FANCL: variants seen among roughly 807,000 people sequenced by gnomAD.
FANCL encodes the protein FA complementation group L.
Under a neutral mutation model 59.4 loss-of-function variants are expected in FANCL, and 69 were observed. The observed-to-expected ratio is 1.16, with a 90% CI of 0.96 to 1.42. FANCL has a LOEUF of 1.42. FANCL is among the 40% of genes most tolerant of loss of function. The pLI is 0.00. For synonymous variants in FANCL, 180 were observed against 147.1 expected (o/e 1.22, Z -1.62); for missense variants, 519 against 447.2 (o/e 1.16, Z -1.45).
chr2:58,160,188 T>G lies in FANCL; in HGVS notation c.1021-9A>C. On this transcript the variant is annotated splice_polypyrimidine_tract_variant and intron_variant, in intron 12 of 13. Coordinates refer to ENST00000233741, the MANE Select transcript of FANCL (RefSeq NM_018062.4). ...AGTAGTCCTCTCAGCCACTGCAAAT[T>G]TTAAAAGATAAAGGAGAAGCGTCAG... 1 of 1,612,258 alleles carries G rather than the reference T, an allele frequency of 6.2e-7. No homozygotes were observed. Among genetic ancestry groups the G allele is most frequent in the Non-Finnish European group, 8.5e-7 (1 of 1,178,562 alleles).
chr2:58,211,920 G>T lies in FANCL; in HGVS notation c.375-7694C>A, dbSNP rs376043580. Among the ~76,000 whole-genome samples, 159 of 152,260 alleles carry T rather than the reference G, an allele frequency of 1.0e-3. 1 individual carries two copies. The highest frequency in any genetic ancestry group is 3.6e-3 in the African/African-American group (151 of 41,540). On this transcript the variant is annotated intron_variant, in intron 5 of 13. Coordinates refer to ENST00000233741, the MANE Select transcript of FANCL (RefSeq NM_018062.4). ...GGCAAAGCCAAGCAACTAGTCTCTA[G>T]GAAGTTCCAAACTCTCCCACATTTT...
intron 1 of FANCL, among the ~76,000 whole-genome samples, chr2:58,236,009 T>C (rs776153655): frequency 1.3e-5 from 2 of 149,670 alleles, no homozygotes; most frequent in Non-Finnish European, 3.0e-5. Flanking sequence ...CCTAAATGCA[T>C]GTATTTGGAG....
chr2:58,229,691 A>G (rs1693386422), intron 3 of FANCL, 123 bp downstream of exon 3: 6 of 749,152 alleles, frequency 8.0e-6, no homozygotes, highest in Non-Finnish European at 1.4e-5. Context: ...GATGAAACCT[A>G]CAAAACTTAA....
At chr2:58,181,044 G>A (rs970030961) in intron 7 of FANCL, among the ~76,000 whole-genome samples, 1 of 151,920 alleles carries the variant, frequency 6.6e-6, no homozygotes, top group South Asian at 2.1e-4. Flanking sequence ...ACCTTAACCT[G>A]GCAATTCTAC....
chr2:58,200,460 G>T lies in FANCL; in HGVS notation c.472-1798C>A, dbSNP rs1406069686. Among the ~76,000 whole-genome samples the T allele has an allele frequency of 2.0e-5, 3 of 152,036 alleles. No homozygotes were observed. The East Asian group carries it at 5.8e-4, about 29-fold the overall frequency. ...TAATGTGCACTTGAAACCTCTGTGGGTCAAAAATGGAAAATTTAGTTCATT... is the reference window on the plus strand; with the variant it reads ...TAATGTGCACTTGAAACCTCTGTGGTTCAAAAATGGAAAATTTAGTTCATT... On this transcript the variant is annotated intron_variant, in intron 6 of 13. Transcript: ENST00000233741.
intron 1 of FANCL, among the ~76,000 whole-genome samples, chr2:58,240,919 T>C (rs940916365): frequency 2.0e-5 from 3 of 151,970 alleles, no homozygotes; most frequent in Admixed American, 6.5e-5. Context: ...AAACAGTCAA[T>C]TGCGGGACAC....
At chr2:58,226,834 T>A (rs768651890) in intron 3 of FANCL, 50 bp from the exon 4 acceptor site, 1 of 1,510,784 alleles carries the variant, frequency 6.6e-7, no homozygotes, top group East Asian at 2.3e-5. Flanking sequence ...AAATATTCTA[T>A]CCACTAAAAC....
chr2:58,176,200 C>A (rs1191103836), intron 7 of FANCL, among the ~76,000 whole-genome samples: 1 of 152,204 alleles, frequency 6.6e-6, no homozygotes, highest in Admixed American at 6.5e-5. Context: ...AATGGCCACA[C>A]TGCCCAACGT....
In FANCL at chr2:58,237,615, A is replaced by C. The variant is rs566090549; in HGVS notation, c.96+3603T>G. On this transcript the variant is annotated intron_variant, in intron 1 of 13. Coordinates refer to ENST00000233741, the MANE Select transcript of FANCL (RefSeq NM_018062.4). Reference sequence around the variant, plus strand: ...ATAATAGAAAAAAATTGAAGAAATTAAAGACAGGTTCTTTGAAGAAATCAG... The same window carrying C: ...ATAATAGAAAAAAATTGAAGAAATTCAAGACAGGTTCTTTGAAGAAATCAG... Among the ~76,000 whole-genome samples the C allele has an allele frequency of 1.8e-4, 27 of 152,286 alleles. 1 individual carries two copies. The South Asian group carries it at 5.6e-3, about 32-fold the overall frequency.
rs534259483 is a variant in FANCL, at chr2:58,229,517, T to C, written c.216+297A>G. 2.0e-5 allele frequency among the ~76,000 whole-genome samples: 3 copies of C among 152,332 alleles called. No individual in the cohort carries two copies. The South Asian group carries it at 6.2e-4, about 32-fold the overall frequency. ...CTAAATGGGTCTGATTTTTTTTCCC[T>C]ATCACCACCATTCAGTCTCAGAAGA... On this transcript the variant is annotated intron_variant, in intron 3 of 13. Transcript: ENST00000233741.
rs370409722 is a variant in FANCL at position 58,241,287 on chromosome 2, C to G, written c.27G>C (p.Leu9Phe). MAVTEASL[L>F]RQCPLLLPQN... ...GGGGCAGAAGCAGGGGGCACTGGCG[C>G]AACAGGCTCGCTTCCGTCACCGCCA... Residue 9 changes from leucine to phenylalanine, a missense_variant, in exon 1 of 14, where the codon TTG (leucine) becomes TTC (phenylalanine). Coordinates refer to ENST00000233741, the MANE Select transcript of FANCL (RefSeq NM_018062.4). 7.4e-6 allele frequency: 12 copies of G among 1,614,124 alleles called. No individual in the cohort carries two copies. The Admixed American group carries it at 8.3e-5, about 11-fold the overall frequency.
chr2:58,234,029 A>C (rs1693805932), intron 1 of FANCL, among the ~76,000 whole-genome samples: 1 of 152,104 alleles, frequency 6.6e-6, no homozygotes. Flanking sequence ...TAAAATACCC[A>C]ACAGAAGAGG....
At chr2:58,222,795 AT>A (rs1293866478) in intron 4 of FANCL, among the ~76,000 whole-genome samples, 1 of 152,052 alleles carries the variant, frequency 6.6e-6, no homozygotes, top group Non-Finnish European at 1.5e-5. Context: ...CTATCTACAA[AT>A]TACTTAGATG....
chr2:58,235,450 T>G (rs1693926131), intron 1 of FANCL, among the ~76,000 whole-genome samples: 1 of 152,174 alleles, frequency 6.6e-6, no homozygotes, highest in African/African-American at 2.4e-5. Context: ...GACTAAAGTC[T>G]GCTCTGGGTC....
intron 1 of FANCL, among the ~76,000 whole-genome samples, chr2:58,235,891 AC>A (rs1314641470): frequency 6.6e-6 from 1 of 151,996 alleles, no homozygotes; most frequent in African/African-American, 2.4e-5. Flanking sequence ...ATTCCACCTT[AC>A]AAAAGAAGGT....
chr2:58,182,134 C>A (rs763404839), intron 7 of FANCL, among the ~76,000 whole-genome samples: 16 of 151,774 alleles, frequency 1.1e-4, no homozygotes, highest in Non-Finnish European at 2.1e-4. Flanking sequence ...GCATTTCCTT[C>A]AACTATGGAT....
chr2:58,220,599 CTTTAG>C (rs1464836182), intron 5 of FANCL, among the ~76,000 whole-genome samples: 2 of 152,128 alleles, frequency 1.3e-5, no homozygotes, highest in African/African-American at 4.8e-5. Context: ...TTTAGTTTTT[CTTTAG>C]TTATCAGGTA....
chr2:58,195,764 A>G (rs1308632430), intron 7 of FANCL, among the ~76,000 whole-genome samples: 1 of 152,194 alleles, frequency 6.6e-6, no homozygotes, highest in Non-Finnish European at 1.5e-5. Context: ...TAAGAAGGTC[A>G]GACTAAGATG....
At position 58,163,448 on chromosome 2, in the gene FANCL, A is replaced by G. The variant is rs1685510676; in HGVS notation, c.761T>C (p.Leu254Pro). 2 of 1,609,604 alleles carry G rather than the reference A, an allele frequency of 1.2e-6. No individual in the cohort carries two copies. The highest frequency in any genetic ancestry group is 1.7e-4 in the Middle Eastern group (1 of 6,054). Residue 254 changes from leucine (L) to proline (P), a missense_variant, in exon 9 of 14, where the codon CTT becomes CCT. Transcript: ENST00000233741. ...HPTMLPECFFLGADHVVKPLG... is the reference protein window; with the variant it reads ...HPTMLPECFFPGADHVVKPLG... The stretch of plus-strand genomic sequence containing the variant: ...AGATGTCATACCATGGTCAGCTCCA[A>G]GAAAGAAGCACTCAGGAAGCATAGT...
Sources: gnomAD v4.1 joint callset for allele counts (sites outside exome capture counted in the v4.1 genomes callset) on GRCh38, gnomAD v4.1.1 for gene constraint, MANE v1.5 for transcripts, NCBI Gene and HGNC (gene_info 2026-07-23, HGNC 2026-07-21) for gene names.